Variants in DNAH11 observed in about 807,000 individuals in gnomAD.
DNAH11 encodes dynein axonemal heavy chain 11.
DNAH11 carries 442 observed loss-of-function variants against 526.0 expected under a neutral mutation model. The ratio of observed to expected loss-of-function variants is 0.84; its 90% CI spans 0.78 to 0.91. DNAH11 has a LOEUF of 0.91. DNAH11 is among the 40% of genes least tolerant of loss of function. The probability of loss-of-function intolerance (pLI) is 0.00; values close to 1 mark genes in which losing one functional copy is unlikely to be tolerated. For missense variants in DNAH11, 6,989 were observed against 5,448.7 expected, an observed-to-expected ratio of 1.28 and a Z score of -8.90; for synonymous variants, 2,461 against 1,935.9, an observed-to-expected ratio of 1.27 and a Z score of -7.12.
intron 14 of DNAH11, 21 bp from the exon 15 acceptor site, chr7:21,599,766 C>T (rs375634345): frequency 2.3e-5 from 34 of 1,490,272 alleles, no homozygotes; most frequent in Non-Finnish European, 3.0e-5. Context: ...TATTCATCCA[C>T]TAATACTTGT....
In DNAH11 at chr7:21,600,946, A is replaced by G; in HGVS notation, c.3255+16A>G. The G allele has an allele frequency of 1.2e-6, 2 of 1,612,888 alleles. No individual in the cohort carries two copies. The highest frequency in any genetic ancestry group is 1.1e-5 in the South Asian group (1 of 90,824). On this transcript the variant is annotated intron_variant, in intron 16 of 81. Transcript: ENST00000409508. ...CAAAGAACAGGCAAGGAAAACCCTT[A>G]GCATTTAATGTAGTGAAATGGCTTT...
Position 21,545,138 on chromosome 7 carries a change from T to G in DNAH11, c.484T>G (p.Phe162Val). Residue 162 changes from phenylalanine (F) to valine (V), a missense_variant, in exon 2 of 82, where the codon TTC (phenylalanine) becomes GTC (valine). By Grantham distance (50) the Phe-to-Val change is conservative. Transcript: ENST00000409508. ...GTTGTCTCTTGGACATGTATCTGCT[T>G]TCCTTGATGAGGTACTGGTCTGTCT... ...PALSLGHVSA[F>V]LDEILVPVLS... 1 of 1,609,968 alleles carries G rather than the reference T, an allele frequency of 6.2e-7. No individual in the cohort carries two copies.
intron 28 of DNAH11, among the ~76,000 whole-genome samples, chr7:21,651,272 C>T (rs184345697): frequency 3.9e-5 from 6 of 152,200 alleles, no homozygotes; most frequent in Admixed American, 1.3e-4. Flanking sequence ...AGGGCAAATA[C>T]GAACTTAGAT....
chr7:21,754,727 C>A (rs116971495), intron 54 of DNAH11, among the ~76,000 whole-genome samples: 1 of 152,074 alleles, frequency 6.6e-6, no homozygotes, highest in Non-Finnish European at 1.5e-5. Context: ...CACTTCTGAT[C>A]CCCTTTGGCC....
chr7:21,882,972 C>T (rs980936595), intron 75 of DNAH11, among the ~76,000 whole-genome samples: 1 of 152,102 alleles, frequency 6.6e-6, no homozygotes, highest in Non-Finnish European at 1.5e-5. Flanking sequence ...AGAAAAAGAA[C>T]TAAAAGTCAG....
At position 21,705,509 on chromosome 7, in the gene DNAH11, T is replaced by C; in HGVS notation, c.6518T>C (p.Val2173Ala). 6.2e-7 allele frequency: 1 copy of C among 1,613,686 alleles called. No homozygotes were observed. Among genetic ancestry groups the C allele is most frequent in the Non-Finnish European group, 8.5e-7 (1 of 1,179,700 alleles). ...GCTGTGCGGCACTCGGTCTTTGTAG[T>C]TGGAAATGCAGGCACAGGAAAGAGT... Reference protein sequence around the residue: ...LLAVRHSVFVVGNAGTGKSKI... With the variant: ...LLAVRHSVFVAGNAGTGKSKI... The change falls in exon 39 of 82, where the codon GTT becomes GCT. Residue 2173 changes from valine (V) to alanine (A), a missense_variant. By Grantham distance (64) the Val-to-Ala change is moderately conservative. Coordinates refer to ENST00000409508, the MANE Select transcript of DNAH11 (RefSeq NM_001277115.2).
At chr7:21,895,512 C>T (rs1291359620) in intron 79 of DNAH11, among the ~76,000 whole-genome samples, 3 of 152,158 alleles carry the variant, frequency 2.0e-5, no homozygotes, top group Admixed American at 6.5e-5. Flanking sequence ...CAGAAATTCA[C>T]AGATTACTGA....
chr7:21,619,944 G>T lies in DNAH11; in HGVS notation c.4378-12G>T, dbSNP rs1435747057. On this transcript the variant is annotated splice_polypyrimidine_tract_variant and intron_variant, in intron 24 of 81. Coordinates refer to ENST00000409508, the MANE Select transcript of DNAH11 (RefSeq NM_001277115.2). Reference sequence around the variant, plus strand: ...AAATTTTGTGCACATTAATTATATTGTTGATTACTAGGTTATTACTGAAAT... The same window carrying T: ...AAATTTTGTGCACATTAATTATATTTTTGATTACTAGGTTATTACTGAAAT... 6.8e-7 allele frequency: 1 copy of T among 1,470,774 alleles called. No homozygotes were observed. The highest frequency in any genetic ancestry group is 9.2e-7 in the Non-Finnish European group (1 of 1,083,916). 91.1% of individuals were successfully genotyped at this position (1,470,774 alleles called of 1,614,324 possible).
chr7:21,729,285 A>G (rs566067873), intron 45 of DNAH11, among the ~76,000 whole-genome samples: 3 of 152,232 alleles, frequency 2.0e-5, no homozygotes, highest in Admixed American at 2.0e-4. Flanking sequence ...AGCTGGCAAT[A>G]TTTCTGCTGG....
intron 2 of DNAH11, among the ~76,000 whole-genome samples, chr7:21,549,580 C>A (rs549976174): frequency 3.9e-5 from 6 of 152,036 alleles, no homozygotes; most frequent in Non-Finnish European, 7.4e-5. Context: ...CCCATATAAC[C>A]GAGATGCTAC....
chr7:21,758,638 A>G (rs1354620398), intron 54 of DNAH11, among the ~76,000 whole-genome samples: 11 of 152,264 alleles, frequency 7.2e-5, no homozygotes, highest in Admixed American at 3.9e-4. Context: ...CAAGAAAGAT[A>G]TCACGAAAAA....
At chr7:21,756,498 A>G (rs1786648108) in intron 54 of DNAH11, among the ~76,000 whole-genome samples, 1 of 152,064 alleles carries the variant, frequency 6.6e-6, no homozygotes, top group African/African-American at 2.4e-5. Flanking sequence ...ACATTTACTT[A>G]GTTATTTGCA....
Position 21,591,522 on chromosome 7 carries a change from C to T in DNAH11, c.2612C>T (p.Thr871Ile), listed in dbSNP as rs1583508964. The T allele has an allele frequency of 6.3e-7, 1 of 1,592,116 alleles. No individual in the cohort carries two copies. The highest frequency in any genetic ancestry group is 1.4e-5 in the African/African-American group (1 of 74,016). The stretch of plus-strand genomic sequence containing the variant: ...TTGGAGGACAAGGGTGATTTGTTTA[C>T]AAAAAAATACAAGTTAATCCAAGGA... ...FTLEDKGDLF[T>I]KKYKLIQGDG... The change falls in exon 14 of 82, where the codon ACA becomes ATA. Residue 871 changes from threonine to isoleucine, a missense_variant. By Grantham distance (89) the Thr-to-Ile change is moderately conservative (BLOSUM62 -1). Transcript: ENST00000409508.
intron 28 of DNAH11, among the ~76,000 whole-genome samples, chr7:21,646,691 C>A (rs1787368535): frequency 6.6e-6 from 1 of 152,168 alleles, no homozygotes; most frequent in Non-Finnish European, 1.5e-5. Context: ...ACCAACTAGA[C>A]TTGAAGCCCT....
chr7:21,799,628 A>C (rs1687963527), intron 61 of DNAH11, among the ~76,000 whole-genome samples: 1 of 152,032 alleles, frequency 6.6e-6, no homozygotes, highest in African/African-American at 2.4e-5. Context: ...GACCCACCGC[A>C]CCCGGCCATA....
At chr7:21,543,864 C>A (rs2128425029) in intron 1 of DNAH11, 1 of 501,946 alleles carries the variant, frequency 2.0e-6, no homozygotes, top group Non-Finnish European at 3.5e-6. Context: ...AACCCAAGAA[C>A]ACCAGCGCTT....
intron 31 of DNAH11, among the ~76,000 whole-genome samples, chr7:21,682,515 G>C (rs1026991056): frequency 8.8e-6 from 1 of 113,516 alleles, no homozygotes; most frequent in Non-Finnish European, 1.7e-5. Context: ...GACAGAGCGA[G>C]ACTCCATCTC....
In DNAH11 at chr7:21,852,533, T is replaced by C. The variant is rs1348999489; in HGVS notation, c.10963T>C (p.Leu3655=). Residue 3655 remains leucine, a synonymous_variant, in exon 67 of 82, where the codon TTG becomes CTG. Coordinates refer to ENST00000409508, the MANE Select transcript of DNAH11 (RefSeq NM_001277115.2). ...CAAGTATCTGGAAGACGATCTCCTT[T>C]TGCGCCTTTCTGCGGCAGAGGGAAG... ...ELKYLEDDLL[L]RLSAAEGSFL... 17 of 1,613,756 alleles carry C rather than the reference T, an allele frequency of 1.1e-5. No homozygotes were observed. The highest frequency in any genetic ancestry group is 1.4e-5 in the Non-Finnish European group (17 of 1,179,764).
intron 8 of DNAH11, among the ~76,000 whole-genome samples, chr7:21,572,827 C>G (rs1783945376): frequency 6.6e-6 from 1 of 152,096 alleles, no homozygotes; most frequent in Non-Finnish European, 1.5e-5. Flanking sequence ...TGACTTTTTG[C>G]TAAACCAGGG....
Sources: allele counts gnomAD v4.1 joint callset (sites outside exome capture counted in the v4.1 genomes callset), GRCh38; gene constraint gnomAD v4.1.1; transcripts MANE v1.5; gene names NCBI Gene and HGNC (gene_info 2026-07-23, HGNC 2026-07-21).